The following POLE2 variants were observed in gnomAD, a reference collection of about 807,000 sequenced individuals.
POLE2 encodes DNA polymerase epsilon 2, accessory subunit.
In POLE2, 56 loss-of-function variants were observed where a neutral mutation model predicts 79.4. The ratio of observed to expected loss-of-function variants is 0.71; its 90% CI spans 0.57 to 0.88. The LOEUF (loss-of-function observed/expected upper bound fraction) is 0.88. Ranked by LOEUF, POLE2 falls within the 40% of genes least tolerant of loss-of-function variation. POLE2 has a pLI of 0.00. For synonymous variants in POLE2, 212 were observed against 214.0 expected, an observed-to-expected ratio of 0.99 and a Z score of 0.08; for missense variants, 598 against 638.9, an observed-to-expected ratio of 0.94 and a Z score of 0.69.
rs1225644102 is a variant in POLE2, at chr14:49,652,058, GGGGTCCCTTTTTCCAATGA to G, written c.1212-700_1212-682del. Among the ~76,000 whole-genome samples, 39 of 152,156 alleles carry G rather than the reference GGGGTCCCTTTTTCCAATGA, an allele frequency of 2.6e-4. 1 individual carries two copies. The East Asian group carries it at 2.9e-3, about 11-fold the overall frequency. On this transcript the variant is annotated intron_variant, in intron 15 of 18. Coordinates refer to ENST00000216367, the MANE Select transcript of POLE2 (RefSeq NM_002692.4). ...GGATACGGCTGTCACTAAATCACGAGGGGTCCCTTTTTCCAATGAGGGTCCCTTTTTCCAGGATCGGGAA... is the reference window on the plus strand; with the variant it reads ...GGATACGGCTGTCACTAAATCACGAGGGGTCCCTTTTTCCAGGATCGGGAA...
intron 5 of POLE2, among the ~76,000 whole-genome samples, chr14:49,672,010 C>A (rs935216615): frequency 6.6e-6 from 1 of 152,070 alleles, no homozygotes; most frequent in African/African-American, 2.4e-5. Context: ...TCAAGACAGG[C>A]TCCAGAAAGG....
At chr14:49,680,946 A>C (rs1049548495) in intron 2 of POLE2, among the ~76,000 whole-genome samples, 1 of 152,202 alleles carries the variant, frequency 6.6e-6, no homozygotes, top group Non-Finnish European at 1.5e-5. Context: ...GTTCAACTGT[A>C]AAGGAATTTT....
chr14:49,654,786 T>C lies in POLE2; in HGVS notation c.1071A>G (p.Gln357=). ...DIICEYPDIH[Q]SSRFVFVPGP... is the part of the protein sequence containing the mutation. The stretch of plus-strand genomic sequence containing the variant: ...TATATAGTGCTAGAGATCATTACCT[T>C]TGGTGAATATCTGGGTATTCACATA... Residue 357 remains glutamine (Q), a splice_region_variant and synonymous_variant, in exon 13 of 19, where the codon CAA becomes CAG. Transcript: ENST00000216367. 2 of 1,487,616 alleles carry C rather than the reference T, an allele frequency of 1.3e-6. No homozygotes were observed. Among genetic ancestry groups the C allele is most frequent in the Non-Finnish European group, 1.8e-6 (2 of 1,124,220 alleles). 92.2% of individuals were successfully genotyped at this position (1,487,616 alleles called of 1,614,324 possible). A position where few individuals can be genotyped will look rare whatever the true frequency, so the allele number is the denominator to read the frequency against.
chr14:49,651,260 T>G lies in POLE2; in HGVS notation c.1320+9A>C. The G allele has an allele frequency of 7.3e-7, 1 of 1,370,992 alleles. No individual in the cohort carries two copies. 84.9% of individuals were successfully genotyped at this position (1,370,992 alleles called of 1,614,324 possible). A position where few individuals can be genotyped will look rare whatever the true frequency, so the allele number is the denominator to read the frequency against. The stretch of plus-strand genomic sequence containing the variant: ...TAAGGCAGTTTAATAAAAAAGTTGT[T>G]TCACTTACGTGATTAGGAATAGCCA... On this transcript the variant is annotated intron_variant, in intron 16 of 18. Transcript: ENST00000216367.
At chr14:49,658,069 T>C (rs1027080901) in intron 10 of POLE2, among the ~76,000 whole-genome samples, 3 of 150,486 alleles carry the variant, frequency 2.0e-5, no homozygotes, top group Non-Finnish European at 4.4e-5. Context: ...CTCTGTCCTC[T>C]GGTCATCTTT....
At chr14:49,668,047 G>A (rs1056318367) in intron 6 of POLE2, among the ~76,000 whole-genome samples, 5 of 152,080 alleles carry the variant, frequency 3.3e-5, no homozygotes, top group South Asian at 2.1e-4. Context: ...TGAGGCGGGC[G>A]GATCACTTGA....
At chr14:49,674,900 G>A (rs77042740) in intron 3 of POLE2, among the ~76,000 whole-genome samples, 7,272 of 152,098 alleles carry the variant, frequency 0.048, 541 homozygotes, top group African/African-American at 0.16. Flanking sequence ...TACAATGGGT[G>A]TAAAATGTTT....
In POLE2 at chr14:49,669,593, G is replaced by T. The variant is rs1566555202; in HGVS notation, c.423C>A (p.Thr141=). ...GAGGAGTAAATAATTCATGCCTGTGGGTCCTCTATAAAAAAGAAAGATTCA... is the reference window on the plus strand; with the variant it reads ...GAGGAGTAAATAATTCATGCCTGTGTGTCCTCTATAAAAAAGAAAGATTCA... The part of the protein sequence containing the change: ...RERYTILHQR[T]HRHELFTPPV... The change falls in exon 6 of 19, where the codon ACC becomes ACA. Residue 141 remains threonine (T), a synonymous_variant. Coordinates refer to ENST00000216367, the MANE Select transcript of POLE2 (RefSeq NM_002692.4). 1 of 1,558,740 alleles carries T rather than the reference G, an allele frequency of 6.4e-7. No homozygotes were observed. The highest frequency in any genetic ancestry group is 8.8e-7 in the Non-Finnish European group (1 of 1,131,378).
intron 18 of POLE2, chr14:49,646,711 T>TAATA (rs1324801388): frequency 6.6e-6 from 1 of 152,102 alleles, no homozygotes; most frequent in African/African-American, 2.4e-5. Flanking sequence ...TTACAGGAAA[T>TAATA]AATATTTAAA....
chr14:49,671,057 A>T (rs1435134472), intron 5 of POLE2, among the ~76,000 whole-genome samples: 1 of 152,226 alleles, frequency 6.6e-6, no homozygotes, highest in African/African-American at 2.4e-5. Flanking sequence ...GATAATTGCA[A>T]TGAAAATATG....
At chr14:49,682,458 G>A (rs1305646608) in intron 2 of POLE2, among the ~76,000 whole-genome samples, 1 of 151,382 alleles carries the variant, frequency 6.6e-6, no homozygotes, top group African/African-American at 2.4e-5. Context: ...CCAACATGGT[G>A]AAACCTCGTC....
intron 18 of POLE2, among the ~76,000 whole-genome samples, chr14:49,645,502 A>G (rs1883700086): frequency 6.6e-6 from 1 of 152,234 alleles, no homozygotes; most frequent in African/African-American, 2.4e-5. Flanking sequence ...TAGCATTGAA[A>G]AGATTCCCCA....
chr14:49,680,166 G>A (rs1326998067), intron 2 of POLE2, among the ~76,000 whole-genome samples: 2 of 152,084 alleles, frequency 1.3e-5, no homozygotes, highest in African/African-American at 2.4e-5. Flanking sequence ...CCCAGACAAC[G>A]TGGTGAAACC....
chr14:49,656,148 G>A (rs750119287), intron 10 of POLE2, among the ~76,000 whole-genome samples: 17 of 152,144 alleles, frequency 1.1e-4, no homozygotes, highest in Non-Finnish European at 2.5e-4. Context: ...GAGGTCAGGA[G>A]ATCGAGACCA....
In POLE2 at chr14:49,654,793, A is replaced by G. The variant is rs1204398089; in HGVS notation, c.1064T>C (p.Ile355Thr). The G allele has an allele frequency of 6.7e-7, 1 of 1,486,830 alleles. No individual in the cohort carries two copies. Among genetic ancestry groups the G allele is most frequent in the Admixed American group, 2.7e-5 (1 of 37,528 alleles). 92.1% of individuals were successfully genotyped at this position (1,486,830 alleles called of 1,614,324 possible). Residue 355 changes from isoleucine to threonine, a missense_variant, in exon 13 of 19, where the codon ATT becomes ACT. Physicochemically the swap from Ile to Thr is moderately conservative, Grantham distance 89. Transcript: ENST00000216367. ...TGCTAGAGATCATTACCTTTGGTGAATATCTGGGTATTCACATATTATATC... is the reference window on the plus strand; with the variant it reads ...TGCTAGAGATCATTACCTTTGGTGAGTATCTGGGTATTCACATATTATATC... Reference protein sequence around the residue: ...LADIICEYPDIHQSSRFVFVP... With the variant: ...LADIICEYPDTHQSSRFVFVP...
At chr14:49,681,747 G>T (rs535200044) in intron 2 of POLE2, 2 of 147,520 alleles carry the variant, frequency 1.4e-5, no homozygotes, top group African/African-American at 4.9e-5. Context: ...GCAGTGAACC[G>T]AGATGGCGCC....
intron 7 of POLE2, among the ~76,000 whole-genome samples, chr14:49,665,748 C>G (rs1472134667): frequency 3.3e-5 from 5 of 150,378 alleles, no homozygotes; most frequent in Non-Finnish European, 4.4e-5. Flanking sequence ...TGTACATGAC[C>G]TAATTTTTAC....
chr14:49,677,118 G>A (rs190828515), intron 3 of POLE2, among the ~76,000 whole-genome samples: 34 of 152,298 alleles, frequency 2.2e-4, no homozygotes, highest in Admixed American at 9.2e-4. Flanking sequence ...ACACTTCTAC[G>A]CCCTGAAGCG....
At chr14:49,672,083 C>G (rs1040763544) in intron 5 of POLE2, among the ~76,000 whole-genome samples, 1 of 152,208 alleles carries the variant, frequency 6.6e-6, no homozygotes, top group Admixed American at 6.5e-5. Flanking sequence ...GAGGGAAGAG[C>G]AGTCAACAGG....
Sources: allele counts gnomAD v4.1 joint callset (sites outside exome capture counted in the v4.1 genomes callset), GRCh38; gene constraint gnomAD v4.1.1; transcripts MANE v1.5; gene names NCBI Gene and HGNC (gene_info 2026-07-23, HGNC 2026-07-21).